GRHL1: variants seen among roughly 807,000 people sequenced by gnomAD.
The protein encoded by GRHL1 is grainyhead like transcription factor 1.
In GRHL1, 38 loss-of-function variants were observed where a neutral mutation model predicts 75.7. The observed-to-expected ratio is 0.50, with a 90% confidence interval of 0.39 to 0.66. The LOEUF (loss-of-function observed/expected upper bound fraction) is 0.66. GRHL1 is among the 30% of genes least tolerant of loss of function. GRHL1 has a pLI of 0.00. For missense variants in GRHL1, 589 were observed against 767.5 expected, an observed-to-expected ratio of 0.77 and a Z score of 2.75; for synonymous variants, 266 against 279.4, an observed-to-expected ratio of 0.95 and a Z score of 0.48.
chr2:9,977,027 A>G (rs1399837725), intron 8 of GRHL1, among the ~76,000 whole-genome samples: 3 of 152,208 alleles, frequency 2.0e-5, no homozygotes, highest in East Asian at 1.9e-4. Context: ...ATATTAAGCA[A>G]TCTGTCTCTT....
At chr2:9,996,013 G>T (rs1295246362) in intron 13 of GRHL1, 43 bp downstream of exon 13, 1 of 1,185,156 alleles carries the variant, frequency 8.4e-7, no homozygotes, top group Admixed American at 1.7e-5. Flanking sequence ...TAAATCAGAA[G>T]TGAGTTCAGA....
chr2:9,998,783 T>TATATATGTACAC lies in GRHL1; in HGVS notation c.1678-176_1678-175insGTACACATATAT, dbSNP rs1558321316. On this transcript the variant is annotated intron_variant, in intron 14 of 15. Coordinates refer to ENST00000324907, the MANE Select transcript of GRHL1 (RefSeq NM_198182.3). ...ATATATATGTACACACATATATACG[T>TATATATGTACAC]ATATATATGTACACACATATATATA... Among the ~76,000 whole-genome samples, 134 of 33,278 alleles carry TATATATGTACAC rather than the reference T, an allele frequency of 4.0e-3. 46 individuals carry two copies. The highest frequency in any genetic ancestry group is 0.022 in the African/African-American group (110 of 5,052). 21.8% of individuals were successfully genotyped at this position (33,278 alleles called of 152,430 possible).
At position 10,000,697 on chromosome 2, in the gene GRHL1, C is replaced by A; in HGVS notation, c.1847C>A (p.Thr616Lys). 6.3e-7 allele frequency: 1 copy of A among 1,590,318 alleles called. No homozygotes were observed. Among genetic ancestry groups the A allele is most frequent in the Non-Finnish European group, 8.6e-7 (1 of 1,158,754 alleles). The change falls in exon 16 of 16, where the codon ACG becomes AAG. Residue 616 changes from threonine (T) to lysine (K), a missense_variant. By Grantham distance (78) the Thr-to-Lys change is moderately conservative (BLOSUM62 -1). This residue lies in a region of GRHL1 where 192 missense variants were observed against 226.6 expected (regional missense o/e 0.85). Coordinates refer to ENST00000324907, the MANE Select transcript of GRHL1 (RefSeq NM_198182.3). ...GGGGGGTCTTACAAGCTCACCCTGA[C>A]GGAGATCTAAAGGCCTGCGGGCCAC... ...EAGGSYKLTL[T>K]EI
At position 9,961,305 on chromosome 2, in the gene GRHL1, A is replaced by G. The variant is rs773203770; in HGVS notation, c.538A>G (p.Thr180Ala). ...CCCAGCAGTGTATCATCCTGAGCCC[A>G]CTGAGCGGGTGGTGGTTTTCGATCG... Reference protein sequence around the residue: ...IPPAVYHPEPTERVVVFDRNL... With the variant: ...IPPAVYHPEPAERVVVFDRNL... Residue 180 changes from threonine to alanine, a missense_variant, in exon 4 of 16, where the codon ACT (threonine) becomes GCT (alanine). Thr to Ala is a moderately conservative substitution (Grantham distance 58, BLOSUM62 0). Around this residue, in one of 5 missense-constraint regions of GRHL1, gnomAD observed 362 missense variants for 461.8 expected, o/e 0.78. Coordinates refer to ENST00000324907, the MANE Select transcript of GRHL1 (RefSeq NM_198182.3). 9 of 1,614,152 alleles carry G rather than the reference A, an allele frequency of 5.6e-6. No homozygotes were observed. The highest frequency in any genetic ancestry group is 6.8e-6 in the Non-Finnish European group (8 of 1,180,040).
intron 2 of GRHL1, 35 bp downstream of exon 2, chr2:9,955,136 G>A (rs1666958888): frequency 7.2e-7 from 1 of 1,385,166 alleles, no homozygotes; most frequent in Non-Finnish European, 1.0e-6. Flanking sequence ...CTTAACAGCA[G>A]TCTCCAATGC....
intron 8 of GRHL1, among the ~76,000 whole-genome samples, chr2:9,983,441 T>A (rs75502888): frequency 3.3e-5 from 5 of 152,152 alleles, no homozygotes; most frequent in Non-Finnish European, 7.3e-5. Flanking sequence ...CAAATCATCA[T>A]GAATGCACAC....
Position 10,002,219 on chromosome 2 carries a change from G to A in GRHL1, c.*1512G>A, listed in dbSNP as rs1478127447. ...TTTGTCTTGCGTGTTATTTTTAATT[G>A]TATCATTGAAGATGTATTTTAAACC... On this transcript the variant is annotated 3_prime_UTR_variant, in exon 16 of 16. Coordinates refer to ENST00000324907, the MANE Select transcript of GRHL1 (RefSeq NM_198182.3). 6.6e-6 allele frequency: 1 copy of A among 152,536 alleles called. No homozygotes were observed. The highest frequency in any genetic ancestry group is 1.5e-5 in the Non-Finnish European group (1 of 68,022). 9.4% of individuals were successfully genotyped at this position (152,536 alleles called of 1,614,324 possible). A position where few individuals can be genotyped will look rare whatever the true frequency, so the allele number is the denominator to read the frequency against.
rs1313171789 is a variant in GRHL1 at position 9,965,325 on chromosome 2, G to A, written c.1054G>A (p.Glu352Lys). The A allele has an allele frequency of 5.0e-6, 8 of 1,611,956 alleles. No individual in the cohort carries two copies. The highest frequency in any genetic ancestry group is 2.2e-5 in the East Asian group (1 of 44,864). ...KESFNTISNI[E>K]EIAYNAISFT... ...AAGCTTCAACACTATCAGTAACATC[G>A]AGGAGATTGCGTATAACGCCATTTC... The change falls in exon 8 of 16, where the codon GAG (glutamate) becomes AAG (lysine). Residue 352 changes from glutamate to lysine, a missense_variant. Physicochemically the swap from Glu to Lys is moderately conservative, Grantham distance 56. This residue lies in a region of GRHL1 where 362 missense variants were observed against 461.8 expected (regional missense o/e 0.78). Coordinates refer to ENST00000324907, the MANE Select transcript of GRHL1 (RefSeq NM_198182.3).
Position 9,993,413 on chromosome 2 carries a change from A to C in GRHL1, c.1499+169A>C, listed in dbSNP as rs1026563993. On this transcript the variant is annotated intron_variant, in intron 12 of 15. Transcript: ENST00000324907. Reference sequence around the variant, plus strand: ...AATATCGTGGTATATATTTCCTACCAACAAGGACATCCTCCTGTGTCACAG... The same window carrying C: ...AATATCGTGGTATATATTTCCTACCCACAAGGACATCCTCCTGTGTCACAG... Among the ~76,000 whole-genome samples, 50 of 152,250 alleles carry C rather than the reference A, an allele frequency of 3.3e-4. 1 individual carries two copies. The highest frequency in any genetic ancestry group is 2.9e-5 in the Non-Finnish European group (2 of 68,052).
At chr2:9,984,674 T>C (rs1668344456) in intron 8 of GRHL1, among the ~76,000 whole-genome samples, 1 of 152,204 alleles carries the variant, frequency 6.6e-6, no homozygotes, top group South Asian at 2.1e-4. Context: ...CTGGATGGGT[T>C]CTCGCCGGCT....
In GRHL1 at chr2:9,999,018, G is replaced by C. The variant is rs1669148333; in HGVS notation, c.1731G>C (p.Lys577Asn). Residue 577 changes from lysine (K) to asparagine (N), a missense_variant, in exon 15 of 16, where the codon AAG becomes AAC. Lys to Asn is a moderately conservative substitution (Grantham distance 94, BLOSUM62 0). Transcript: ENST00000324907. ...ACAAGATTGGGAAAATATTCAAGAA[G>C]TGTAAAAAGGGGTAAGCAGCCACTG... ...PHDKIGKIFK[K>N]CKKGILVNMD... is the part of the protein sequence containing the mutation. The C allele has an allele frequency of 1.9e-6, 3 of 1,568,318 alleles. No homozygotes were observed. Among genetic ancestry groups the C allele is most frequent in the African/African-American group, 1.4e-5 (1 of 72,762 alleles).
chr2:9,996,729 C>T (rs1312396971), intron 14 of GRHL1, among the ~76,000 whole-genome samples: 7 of 152,206 alleles, frequency 4.6e-5, no homozygotes, highest in Non-Finnish European at 8.8e-5. Flanking sequence ...CAAGTACAAT[C>T]TTAAAAACTT....
chr2:9,985,107 T>C (rs77311080), intron 8 of GRHL1, among the ~76,000 whole-genome samples: 3,985 of 151,896 alleles, frequency 0.026, 172 homozygotes, highest in African/African-American at 0.091. Flanking sequence ...AGTGGTGGCT[T>C]GGGCACTGAT....
rs757836722 is a variant in GRHL1, at chr2:9,996,416, C to G, written c.1677+15C>G. ...TGATGGAAGCTGTAAGTAGGATCAA[C>G]TCTGTAATCCCCTGTACAAAATGAA... is the stretch of plus-strand genomic sequence containing the variant. On this transcript the variant is annotated intron_variant, in intron 14 of 15. Coordinates refer to ENST00000324907, the MANE Select transcript of GRHL1 (RefSeq NM_198182.3). The G allele has an allele frequency of 4.1e-6, 6 of 1,455,842 alleles. No individual in the cohort carries two copies. Among genetic ancestry groups the G allele is most frequent in the Non-Finnish European group, 5.8e-6 (6 of 1,035,458 alleles). 90.2% of individuals were successfully genotyped at this position (1,455,842 alleles called of 1,614,324 possible).
At chr2:9,969,186 C>T (rs1431829404) in intron 8 of GRHL1, among the ~76,000 whole-genome samples, 2 of 152,154 alleles carry the variant, frequency 1.3e-5, no homozygotes, top group Admixed American at 1.3e-4. Context: ...GCAAGGGCCT[C>T]TCGAAGCCTG....
intron 8 of GRHL1, among the ~76,000 whole-genome samples, chr2:9,979,745 A>G (rs1216176997): frequency 6.6e-6 from 1 of 152,218 alleles, no homozygotes; most frequent in Non-Finnish European, 1.5e-5. Flanking sequence ...GGTAATTTTT[A>G]AAGAGCAACA....
chr2:9,995,932 C>T lies in GRHL1; in HGVS notation c.1553C>T (p.Pro518Leu). Residue 518 changes from proline (P) to leucine (L), a missense_variant, in exon 13 of 16, where the codon CCT becomes CTT. Transcript: ENST00000324907. ...YGTEDDFAVP[P>L]STKLARIEEP... is the part of the protein sequence containing the mutation. ...ACAGAAGATGACTTTGCTGTCCCTC[C>T]TTCTACCAAGCTGGCCCGGATAGAA... 1 of 1,613,036 alleles carries T rather than the reference C, an allele frequency of 6.2e-7. No homozygotes were observed. Among genetic ancestry groups the T allele is most frequent in the Non-Finnish European group, 8.5e-7 (1 of 1,178,928 alleles).
chr2:9,960,917 T>C, intron 3 of GRHL1, 129 bp from the exon 4 acceptor site: 1 of 662,126 alleles, frequency 1.5e-6, no homozygotes, highest in Non-Finnish European at 2.5e-6. Flanking sequence ...ATGGGTAGTT[T>C]TGATGTTTTC....
chr2:9,983,205 G>GC (rs5829241), intron 8 of GRHL1, among the ~76,000 whole-genome samples: 36,294 of 152,018 alleles, frequency 0.24, 4,561 homozygotes, highest in Admixed American at 0.34. Context: ...GGCATCTTCG[G>GC]CCCACTGTTC....
Sources: allele counts gnomAD v4.1 joint callset (sites outside exome capture counted in the v4.1 genomes callset), GRCh38; gene constraint gnomAD v4.1.1; regional missense constraint gnomAD v4.1.1; transcripts MANE v1.5; gene names NCBI Gene and HGNC (gene_info 2026-07-23, HGNC 2026-07-21).